CREB5: variants seen among roughly 807,000 people sequenced by gnomAD.
CREB5 encodes cyclic AMP-responsive element-binding protein 5.
A neutral mutation model predicts 57.1 loss-of-function variants in CREB5; 19 were observed. The ratio of observed to expected loss-of-function variants is 0.33; its 90% CI spans 0.23 to 0.49. CREB5 has a LOEUF of 0.49. CREB5 is among the 20% of genes least tolerant of loss of function. The probability of loss-of-function intolerance (pLI) is 0.99; values close to 1 mark genes in which losing one functional copy is unlikely to be tolerated. For synonymous variants in CREB5, 238 were observed against 238.3 expected, an observed-to-expected ratio of 1.00 and a Z score of 0.01; for missense variants, 579 against 671.6, an observed-to-expected ratio of 0.86 and a Z score of 1.52.
At chr7:28,655,465 G>A (rs958192187) in intron 5 of CREB5, among the ~76,000 whole-genome samples, 2 of 151,978 alleles carry the variant, frequency 1.3e-5, no homozygotes, top group African/African-American at 2.4e-5. Context: ...TTAAAAATTA[G>A]CCAGGCATTG....
chr7:28,398,910 C>G (rs1039778207), intron 1 of CREB5, among the ~76,000 whole-genome samples: 6 of 152,014 alleles, frequency 3.9e-5, no homozygotes, highest in Admixed American at 3.9e-4. Flanking sequence ...GAGACAGGGT[C>G]TCACTATGTT....
intron 1 of CREB5, among the ~76,000 whole-genome samples, chr7:28,392,184 T>G (rs1290222371): frequency 2.0e-5 from 3 of 152,152 alleles, no homozygotes; most frequent in Non-Finnish European, 4.4e-5. Flanking sequence ...CTAGGCTTAG[T>G]ATTTGGGTGA....
chr7:28,532,770 A>C lies in CREB5; in HGVS notation c.291+25033A>C, dbSNP rs78909051. ...GGTAAGAGCACAGAATTCCAAGCCA[A>C]AAGATCTATGTTTGTATCCCAGCTT... On this transcript the variant is annotated intron_variant, in intron 4 of 10. Coordinates refer to ENST00000357727, the MANE Select transcript of CREB5 (RefSeq NM_182898.4). Among the ~76,000 whole-genome samples the C allele has an allele frequency of 4.7e-4, 71 of 152,348 alleles. No individual in the cohort carries two copies. The East Asian group carries it at 0.013, about 29-fold the overall frequency.
chr7:28,440,829 T>C (rs1053300860), intron 1 of CREB5, among the ~76,000 whole-genome samples: 2 of 152,130 alleles, frequency 1.3e-5, no homozygotes, highest in Non-Finnish European at 2.9e-5. Context: ...TCTTTTCTTT[T>C]CTTTTTGGCA....
chr7:28,635,033 C>T (rs900985389), intron 5 of CREB5, among the ~76,000 whole-genome samples: 1 of 152,088 alleles, frequency 6.6e-6, no homozygotes. Flanking sequence ...AGGGTATTGT[C>T]GAGGAATTTA....
chr7:28,479,533 C>T (rs750561497), intron 1 of CREB5, among the ~76,000 whole-genome samples: 4 of 152,156 alleles, frequency 2.6e-5, no homozygotes, highest in South Asian at 4.2e-4. Flanking sequence ...CTTTAAGTGA[C>T]CTCCTAGTAC....
At chr7:28,812,812 G>A (rs1192889524) in intron 9 of CREB5, among the ~76,000 whole-genome samples, 2 of 152,294 alleles carry the variant, frequency 1.3e-5, no homozygotes, top group East Asian at 3.9e-4. Flanking sequence ...TCTTGAGGCT[G>A]GACCAGTGAG....
chr7:28,376,670 T>C (rs916483648), intron 1 of CREB5, among the ~76,000 whole-genome samples: 5 of 152,198 alleles, frequency 3.3e-5, no homozygotes, highest in African/African-American at 1.2e-4. Context: ...GTGCGTATGT[T>C]AGACACATGT....
chr7:28,566,749 C>G (rs1795497034), intron 4 of CREB5, among the ~76,000 whole-genome samples: 1 of 152,078 alleles, frequency 6.6e-6, no homozygotes, highest in African/African-American at 2.4e-5. Flanking sequence ...TGAAATTACT[C>G]TCTGGGTTTT....
intron 5 of CREB5, among the ~76,000 whole-genome samples, chr7:28,652,174 A>G (rs1193410524): frequency 1.3e-5 from 2 of 152,196 alleles, no homozygotes; most frequent in African/African-American, 2.4e-5. Context: ...CAATTTTTAT[A>G]TGAATTTCTC....
intron 7 of CREB5, among the ~76,000 whole-genome samples, chr7:28,737,539 GTA>G (rs59294932): frequency 0.018 from 469 of 26,590 alleles, 4 homozygotes; most frequent in East Asian, 0.027. Flanking sequence ...ATATATATAC[GTA>G]TATATATATA....
intron 1 of CREB5, among the ~76,000 whole-genome samples, chr7:28,374,477 T>C (rs1051897725): frequency 6.6e-6 from 1 of 152,198 alleles, no homozygotes; most frequent in Non-Finnish European, 1.5e-5. Flanking sequence ...AAAAATGTGG[T>C]ATATTCATAC....
intron 1 of CREB5, among the ~76,000 whole-genome samples, chr7:28,305,849 AG>A: frequency 6.6e-6 from 1 of 152,200 alleles, no homozygotes; most frequent in Non-Finnish European, 1.5e-5. Flanking sequence ...AAGTATATAA[AG>A]TTTGCCCAGA....
At chr7:28,801,607 C>T (rs1224620092) in intron 7 of CREB5, among the ~76,000 whole-genome samples, 1 of 152,194 alleles carries the variant, frequency 6.6e-6, no homozygotes, top group Admixed American at 6.5e-5. Context: ...TTTCATCTCT[C>T]CATATACATA....
At chr7:28,554,840 C>G (rs1053731053) in intron 4 of CREB5, among the ~76,000 whole-genome samples, 1 of 152,194 alleles carries the variant, frequency 6.6e-6, no homozygotes, top group Non-Finnish European at 1.5e-5. Flanking sequence ...CTAGACTGTT[C>G]ACATGAGCGA....
intron 1 of CREB5, among the ~76,000 whole-genome samples, chr7:28,440,266 C>T (rs1167347681): frequency 6.6e-6 from 1 of 152,206 alleles, no homozygotes; most frequent in East Asian, 1.9e-4. Flanking sequence ...GACTCACCAT[C>T]TGCTTAAGTT....
At chr7:28,333,362 CCAT>C (rs1785751691) in intron 1 of CREB5, among the ~76,000 whole-genome samples, 1 of 152,110 alleles carries the variant, frequency 6.6e-6, no homozygotes. Context: ...AATGGCATAT[CCAT>C]CAACTCAAGC....
chr7:28,654,407 G>A (rs1466683829), intron 5 of CREB5, among the ~76,000 whole-genome samples: 1 of 152,136 alleles, frequency 6.6e-6, no homozygotes, highest in Non-Finnish European at 1.5e-5. Context: ...CTCGCAAATG[G>A]CACTGTTTAA....
At chr7:28,543,004 T>C (rs896320097) in intron 4 of CREB5, among the ~76,000 whole-genome samples, 2 of 152,322 alleles carry the variant, frequency 1.3e-5, no homozygotes, top group Middle Eastern at 3.4e-3. Context: ...ATAATTGCCC[T>C]GATCATCATC....
Sources: allele counts gnomAD v4.1 joint callset (sites outside exome capture counted in the v4.1 genomes callset), GRCh38; gene constraint gnomAD v4.1.1; transcripts MANE v1.5; gene names NCBI Gene and HGNC (gene_info 2026-07-23, HGNC 2026-07-21).